The following RPS6KC1 variants were observed in gnomAD, a reference collection of about 807,000 sequenced individuals.
RPS6KC1 encodes the protein inactive ribosomal protein S6 kinase delta-1.
A neutral mutation model predicts 103.8 loss-of-function variants in RPS6KC1; 54 were observed. The observed-to-expected ratio is 0.52, with a 90% CI of 0.42 to 0.65. RPS6KC1 has a LOEUF of 0.65. Ranked by LOEUF, RPS6KC1 falls within the 30% of genes least tolerant of loss-of-function variation. The pLI is 0.00. For synonymous variants in RPS6KC1, 439 were observed against 438.7 expected, an observed-to-expected ratio of 1.00 and a Z score of -0.01; for missense variants, 1,151 against 1,253.8, an observed-to-expected ratio of 0.92 and a Z score of 1.24.
chr1:213,372,826 ACACAC>A, the RPS6KC1 span, among the ~76,000 whole-genome samples: 1 of 151,980 alleles, frequency 6.6e-6, no homozygotes, highest in African/African-American at 2.4e-5. Context: ...ACACACATGC[ACACAC>A]AATGTGAATT....
the RPS6KC1 span, among the ~76,000 whole-genome samples, chr1:213,565,970 A>AG: frequency 1.2e-3 from 186 of 152,058 alleles, 5 homozygotes; most frequent in East Asian, 0.029. Context: ...AAAAAAAAAA[A>AG]AAAAAAAGTG....
the RPS6KC1 span, among the ~76,000 whole-genome samples, chr1:213,789,217 A>T: frequency 6.6e-6 from 1 of 152,188 alleles, no homozygotes; most frequent in South Asian, 2.1e-4. Flanking sequence ...ACTATTAATT[A>T]TGTCTTTCTT....
At chr1:213,432,533 T>C in the RPS6KC1 span, among the ~76,000 whole-genome samples, 1 of 152,176 alleles carries the variant, frequency 6.6e-6, no homozygotes, top group Admixed American at 6.5e-5. Context: ...TTTTGACATA[T>C]ATACACCTGT....
At chr1:213,790,012 A>G in the RPS6KC1 span, among the ~76,000 whole-genome samples, 245 of 152,296 alleles carry the variant, frequency 1.6e-3, 1 homozygote, top group African/African-American at 5.8e-3. Flanking sequence ...ATTATAGTCT[A>G]AAAGTTCTAG....
chr1:213,390,307 T>A, the RPS6KC1 span, among the ~76,000 whole-genome samples: 1 of 152,196 alleles, frequency 6.6e-6, no homozygotes, highest in East Asian at 1.9e-4. Flanking sequence ...GTTTTCCAGA[T>A]CTTGTCTGAG....
the RPS6KC1 span, among the ~76,000 whole-genome samples, chr1:213,509,632 G>T: frequency 1.4e-4 from 21 of 152,268 alleles, no homozygotes; most frequent in African/African-American, 5.1e-4. Context: ...TCAGTCAACA[G>T]AGTCAAATAA....
the RPS6KC1 span, among the ~76,000 whole-genome samples, chr1:213,806,225 G>C: frequency 6.6e-6 from 1 of 152,254 alleles, no homozygotes; most frequent in East Asian, 1.9e-4. Flanking sequence ...CCAGCTACTT[G>C]GGAGGCTGAG....
chr1:213,343,213 T>A, the RPS6KC1 span, among the ~76,000 whole-genome samples: 1 of 151,168 alleles, frequency 6.6e-6, no homozygotes, highest in African/African-American at 2.4e-5. Flanking sequence ...CTCCCTATTT[T>A]ATAGAGCAAA....
Position 213,215,449 on chromosome 1 carries a change from A to G in RPS6KC1, c.1045-15048A>G, listed in dbSNP as rs1480398555. Among the ~76,000 whole-genome samples, 3 of 152,240 alleles carry G rather than the reference A, an allele frequency of 2.0e-5. No homozygotes were observed. In the South Asian group the frequency reaches 6.2e-4, roughly 32 times the overall value. On this transcript the variant is annotated intron_variant, in intron 8 of 14. Transcript: ENST00000366960. ...GGAGAATGGAACCAAGTTGGAAAAC[A>G]CTCTGCAGAATATTATCCAGGAGAA...
At chr1:213,829,776 C>G in the RPS6KC1 span, among the ~76,000 whole-genome samples, 1 of 152,150 alleles carries the variant, frequency 6.6e-6, no homozygotes, top group Non-Finnish European at 1.5e-5. Context: ...GTCAAACAGG[C>G]AACAAATAAT....
At chr1:213,707,081 G>A in the RPS6KC1 span, among the ~76,000 whole-genome samples, 3 of 152,202 alleles carry the variant, frequency 2.0e-5, no homozygotes, top group Admixed American at 2.0e-4. Context: ...GGATTGCTGG[G>A]TCAAATGGTA....
At chr1:213,741,643 G>T in the RPS6KC1 span, among the ~76,000 whole-genome samples, 1 of 152,140 alleles carries the variant, frequency 6.6e-6, no homozygotes, top group Non-Finnish European at 1.5e-5. Context: ...GAGAGCAGAG[G>T]TGACACGAGC....
chr1:213,610,280 C>T, the RPS6KC1 span, among the ~76,000 whole-genome samples: 4 of 152,122 alleles, frequency 2.6e-5, no homozygotes, highest in South Asian at 2.1e-4. Flanking sequence ...AATGTGCTTT[C>T]GAAGGCCTGA....
the RPS6KC1 span, among the ~76,000 whole-genome samples, chr1:213,320,084 G>A: frequency 6.6e-6 from 1 of 152,182 alleles, no homozygotes; most frequent in African/African-American, 2.4e-5. Context: ...CATGAGGCTG[G>A]GAGTTTTGGT....
At chr1:213,309,226 C>T in the RPS6KC1 span, among the ~76,000 whole-genome samples, 11 of 152,046 alleles carry the variant, frequency 7.2e-5, no homozygotes, top group South Asian at 2.1e-4. Flanking sequence ...ACCTGGGAGG[C>T]GGAGGTTGCA....
the RPS6KC1 span, among the ~76,000 whole-genome samples, chr1:213,435,205 T>C: frequency 2.0e-5 from 3 of 152,348 alleles, no homozygotes; most frequent in South Asian, 6.2e-4. Context: ...GACATTGTAG[T>C]TTTCTTTCTA....
the RPS6KC1 span, among the ~76,000 whole-genome samples, chr1:213,467,568 G>T: frequency 9.1e-4 from 139 of 152,286 alleles, no homozygotes; most frequent in Middle Eastern, 0.01. Flanking sequence ...TGCTAAAGAT[G>T]GATTTGACAC....
chr1:213,821,381 G>C, the RPS6KC1 span: 5 of 151,944 alleles, frequency 3.3e-5, no homozygotes, highest in Middle Eastern at 3.2e-3. Context: ...AAGCCCAGAA[G>C]GAAGCAGACA....
In RPS6KC1 at chr1:213,121,983, T is replaced by C. The variant is rs527973226; in HGVS notation, c.472+4573T>C. On this transcript the variant is annotated intron_variant, in intron 5 of 14. Coordinates refer to ENST00000366960, the MANE Select transcript of RPS6KC1 (RefSeq NM_012424.6). Reference sequence around the variant, plus strand: ...CCTCAAGTGCTTATTGTAACTATTGTAGAGACACGAAAGGATCTATTAAAC... The same window carrying C: ...CCTCAAGTGCTTATTGTAACTATTGCAGAGACACGAAAGGATCTATTAAAC... Among the ~76,000 whole-genome samples the C allele has an allele frequency of 6.6e-5, 10 of 152,310 alleles. No homozygotes were observed. The South Asian group carries it at 1.9e-3, about 28-fold the overall frequency.
Sources: allele counts gnomAD v4.1 joint callset (sites outside exome capture counted in the v4.1 genomes callset), GRCh38; gene constraint gnomAD v4.1.1; transcripts MANE v1.5; gene names NCBI Gene and HGNC (gene_info 2026-07-23, HGNC 2026-07-21).